The following USP24 variants were observed in gnomAD, a reference collection of about 807,000 sequenced individuals.
The protein encoded by USP24 is ubiquitin carboxyl-terminal hydrolase 24.
In USP24, 97 loss-of-function variants were observed where a neutral mutation model predicts 361.6. The ratio of observed to expected loss-of-function variants is 0.27; its 90% CI spans 0.23 to 0.32. USP24 has a LOEUF of 0.32. USP24 is among the 10% of genes least tolerant of loss of function. USP24 has a pLI of 1.00. For synonymous variants in USP24, 1,098 were observed against 1,124.6 expected (o/e 0.98, Z 0.47); for missense variants, 2,353 against 3,165.6 (o/e 0.74, Z 6.16).
At chr1:55,087,708 G>C (rs1352780370) in intron 55 of USP24, among the ~76,000 whole-genome samples, 1 of 152,180 alleles carries the variant, frequency 6.6e-6, no homozygotes, top group Non-Finnish European at 1.5e-5. Context: ...GTCTAGTAGG[G>C]AATGAACTGA....
chr1:55,172,240 A>G (rs1649527540), intron 4 of USP24, 137 bp downstream of exon 4: 1 of 900,518 alleles, frequency 1.1e-6, no homozygotes, highest in East Asian at 3.1e-5. Context: ...TGCTTTTAAA[A>G]TAAAGACAAA....
chr1:55,202,798 T>C (rs551243106), intron 1 of USP24, among the ~76,000 whole-genome samples: 2 of 152,372 alleles, frequency 1.3e-5, no homozygotes, highest in Non-Finnish European at 2.9e-5. Flanking sequence ...ACAAGGATGC[T>C]AGTCGAGAGA....
chr1:55,103,102 C>T (rs1645680474), intron 42 of USP24, among the ~76,000 whole-genome samples: 1 of 152,182 alleles, frequency 6.6e-6, no homozygotes, highest in Non-Finnish European at 1.5e-5. Flanking sequence ...AGTCTGTATT[C>T]CAGTGGACCT....
At chr1:55,145,129 A>G (rs764602400) in intron 20 of USP24, among the ~76,000 whole-genome samples, 15 of 152,258 alleles carry the variant, frequency 9.9e-5, no homozygotes, top group African/African-American at 2.4e-5. Flanking sequence ...AAGGTTAATT[A>G]TATGTCAGAA....
chr1:55,092,910 T>C lies in USP24; in HGVS notation c.6361A>G (p.Arg2121Gly). The change falls in exon 53 of 68, where the codon AGA becomes GGA. Residue 2121 changes from arginine (R) to glycine (G), a missense_variant. Physicochemically the swap from Arg to Gly is moderately radical, Grantham distance 125. Transcript: ENST00000294383. The stretch of plus-strand genomic sequence containing the variant: ...TTCATAAACTTGAGGTTCTCATCTC[T>C]CACCATCTACAAAAGAAGATTAATA... ...KMPARIYQMV[R>G]DENLKFMKNR... 6.4e-7 allele frequency: 1 copy of C among 1,556,924 alleles called. No homozygotes were observed. The highest frequency in any genetic ancestry group is 8.7e-7 in the Non-Finnish European group (1 of 1,154,454).
intron 16 of USP24, among the ~76,000 whole-genome samples, chr1:55,152,865 C>G (rs1647262364): frequency 6.6e-6 from 1 of 152,078 alleles, no homozygotes; most frequent in South Asian, 2.1e-4. Context: ...TCAAACACAA[C>G]ATAAGAAATA....
intron 59 of USP24, among the ~76,000 whole-genome samples, chr1:55,080,139 T>C (rs908759370): frequency 1.5e-4 from 23 of 152,224 alleles, no homozygotes; most frequent in African/African-American, 4.3e-4. Context: ...ACACCACCTA[T>C]GCTAAGCAGA....
At chr1:55,106,040 C>G (rs964088847) in intron 41 of USP24, 106 bp downstream of exon 41, 7 of 868,668 alleles carry the variant, frequency 8.1e-6, no homozygotes, top group Non-Finnish European at 1.3e-5. Context: ...ATAGGATACA[C>G]AGACTCACAG....
intron 8 of USP24, 26 bp downstream of exon 8, chr1:55,162,173 A>G (rs1648355420): frequency 6.4e-7 from 1 of 1,571,332 alleles, no homozygotes; most frequent in East Asian, 2.4e-5. Flanking sequence ...AATCATATGA[A>G]GTAATGTGAA....
At chr1:55,159,561 T>G (rs1215088135) in intron 9 of USP24, 50 bp downstream of exon 9, 1 of 1,501,032 alleles carries the variant, frequency 6.7e-7, no homozygotes, top group Non-Finnish European at 9.1e-7. Context: ...TGGCTCTGCT[T>G]CTGTGAACTA....
At chr1:55,169,689 A>G (rs1023392021) in intron 5 of USP24, among the ~76,000 whole-genome samples, 2 of 152,200 alleles carry the variant, frequency 1.3e-5, no homozygotes, top group Non-Finnish European at 2.9e-5. Context: ...ATTCTGAGAG[A>G]AAAGAAATAT....
At chr1:55,189,868 A>G (rs886936391) in intron 1 of USP24, among the ~76,000 whole-genome samples, 2 of 152,118 alleles carry the variant, frequency 1.3e-5, no homozygotes, top group African/African-American at 4.8e-5. Context: ...ACAGCAATTA[A>G]AAAATATTAT....
chr1:55,150,371 T>C (rs984245617), intron 16 of USP24, among the ~76,000 whole-genome samples: 4 of 152,166 alleles, frequency 2.6e-5, no homozygotes, highest in African/African-American at 9.7e-5. Context: ...GTTTATTAAA[T>C]CTGAGATGCA....
chr1:55,074,107 TAAAAA>T (rs34911935), intron 63 of USP24, among the ~76,000 whole-genome samples: 1 of 123,486 alleles, frequency 8.1e-6, no homozygotes, highest in Non-Finnish European at 1.7e-5. Flanking sequence ...TAAGTATGTT[TAAAAA>T]AAAAAAAAAA....
intron 39 of USP24, 63 bp downstream of exon 39, chr1:55,110,122 C>G: frequency 7.7e-7 from 1 of 1,304,028 alleles, no homozygotes; most frequent in Non-Finnish European, 1.1e-6. Context: ...TAGAAATGTC[C>G]GTGTGACTTT....
chr1:55,070,589 C>A (rs555371662), intron 67 of USP24, among the ~76,000 whole-genome samples: 3 of 152,278 alleles, frequency 2.0e-5, no homozygotes, highest in South Asian at 2.1e-4. Flanking sequence ...AGGGAAGAGG[C>A]TGAAGAGCGA....
chr1:55,120,585 T>G lies in USP24; in HGVS notation c.4508+11A>C. 6.5e-7 allele frequency: 1 copy of G among 1,539,906 alleles called. No individual in the cohort carries two copies. Among genetic ancestry groups the G allele is most frequent in the Non-Finnish European group, 8.8e-7 (1 of 1,142,420 alleles). On this transcript the variant is annotated intron_variant, in intron 38 of 67. Transcript: ENST00000294383. ...CTGTATAAGGTTAGCTTTTCCATTT[T>G]TATTACCTACCTCTGATTGACTCCT...
At chr1:55,136,735 T>C (rs1026413154) in intron 28 of USP24, among the ~76,000 whole-genome samples, 5 of 152,070 alleles carry the variant, frequency 3.3e-5, no homozygotes, top group Admixed American at 6.6e-5. Context: ...TCATTTGAGA[T>C]ACAACAAGGC....
At chr1:55,092,694 G>A (rs1227729783) in intron 53 of USP24, 127 bp downstream of exon 53, 1 of 683,088 alleles carries the variant, frequency 1.5e-6, no homozygotes, top group East Asian at 3.2e-5. Flanking sequence ...TACATTCACG[G>A]GAAAACCTTT....
Sources: allele counts gnomAD v4.1 joint callset (sites outside exome capture counted in the v4.1 genomes callset), GRCh38; gene constraint gnomAD v4.1.1; transcripts MANE v1.5; gene names NCBI Gene and HGNC (gene_info 2026-07-23, HGNC 2026-07-21).